The following TAX1BP1 variants were observed in gnomAD, a reference collection of about 807,000 sequenced individuals.
TAX1BP1 encodes Tax1 binding protein 1.
A neutral mutation model predicts 97.7 loss-of-function variants in TAX1BP1; 62 were observed. That is an observed-to-expected ratio of 0.63 (90% CI 0.52 to 0.78). The LOEUF is 0.78. TAX1BP1 is among the 30% of genes least tolerant of loss of function. The pLI is 0.00. For missense variants in TAX1BP1, 867 were observed against 916.1 expected (o/e 0.95, Z 0.69); for synonymous variants, 340 against 304.2 (o/e 1.12, Z -1.23).
At chr7:27,764,990 T>C (rs1026228532) in intron 3 of TAX1BP1, among the ~76,000 whole-genome samples, 23 of 2,082 alleles carry the variant, frequency 0.011, no homozygotes, top group African/African-American at 2.1e-3. Flanking sequence ...ATCTTATAGA[T>C]TGTCTGCCTC....
intron 13 of TAX1BP1, 56 bp downstream of exon 13, chr7:27,800,146 T>C (rs981545721): frequency 8.3e-6 from 12 of 1,442,320 alleles, no homozygotes; most frequent in Non-Finnish European, 1.1e-5. Flanking sequence ...GAAAATTAGT[T>C]ATGTATAATT....
rs778162786 is a variant in TAX1BP1 at position 27,766,000 on chromosome 7, CACAA to C, written c.434_437del (p.Thr145LysfsTer7). ...GAAATTCTGACATGTTAGTGGTGAC[CACAA>C]AAGCAGGCCTTCTTGAGGTTGGTGT... On this transcript the variant is annotated frameshift_variant, in exon 4 of 17. Transcript: ENST00000396319. LOFTEE classifies it high-confidence loss of function. 13 of 1,613,862 alleles carry C rather than the reference CACAA, an allele frequency of 8.1e-6. No individual in the cohort carries two copies. Among genetic ancestry groups the C allele is most frequent in the Non-Finnish European group, 1.0e-5 (12 of 1,179,952 alleles).
At chr7:27,766,533 TG>T (rs1336031628) in intron 4 of TAX1BP1, among the ~76,000 whole-genome samples, 3 of 151,466 alleles carry the variant, frequency 2.0e-5, no homozygotes, top group Non-Finnish European at 4.4e-5. Context: ...AAAAATCTTT[TG>T]GCCACAATTA....
At chr7:27,808,149 G>C (rs1373645044) in intron 13 of TAX1BP1, among the ~76,000 whole-genome samples, 2 of 152,138 alleles carry the variant, frequency 1.3e-5, no homozygotes, top group African/African-American at 4.8e-5. Flanking sequence ...GGCTGTAGGT[G>C]TACCCTCATT....
intron 15 of TAX1BP1, among the ~76,000 whole-genome samples, chr7:27,819,338 C>T (rs1790889729): frequency 6.6e-6 from 1 of 151,976 alleles, no homozygotes; most frequent in African/African-American, 2.4e-5. Flanking sequence ...TAAGTAGTTA[C>T]TAATGGGATG....
chr7:27,820,262 A>G (rs1790923612), intron 15 of TAX1BP1, among the ~76,000 whole-genome samples: 1 of 152,302 alleles, frequency 6.6e-6, no homozygotes, highest in Non-Finnish European at 1.5e-5. Flanking sequence ...TTCTATTAAT[A>G]TGTGGCTTAT....
chr7:27,826,804 T>C (rs1172746008), intron 15 of TAX1BP1, among the ~76,000 whole-genome samples: 1 of 152,220 alleles, frequency 6.6e-6, no homozygotes, highest in Non-Finnish European at 1.5e-5. Flanking sequence ...TATTTAACTT[T>C]GGATTTTGTT....
At chr7:27,750,448 G>A (rs1438380879) in intron 2 of TAX1BP1, among the ~76,000 whole-genome samples, 1 of 152,134 alleles carries the variant, frequency 6.6e-6, no homozygotes, top group East Asian at 1.9e-4. Context: ...CAAGCATTTC[G>A]GATAAGGGAT....
intron 7 of TAX1BP1, among the ~76,000 whole-genome samples, chr7:27,786,691 G>A (rs969985147): frequency 3.3e-5 from 5 of 152,182 alleles, no homozygotes; most frequent in Non-Finnish European, 7.4e-5. Flanking sequence ...CAGAGAATCA[G>A]GAGTTAATAT....
chr7:27,783,720 C>T (rs1222679501), intron 5 of TAX1BP1, among the ~76,000 whole-genome samples: 4 of 152,056 alleles, frequency 2.6e-5, no homozygotes, highest in Admixed American at 2.6e-4. Flanking sequence ...TGGGTTAAAT[C>T]TGTAGTGTAT....
chr7:27,767,456 T>C (rs1030718126), intron 4 of TAX1BP1, among the ~76,000 whole-genome samples: 3 of 152,160 alleles, frequency 2.0e-5, no homozygotes, highest in Non-Finnish European at 4.4e-5. Flanking sequence ...GATTTTTTAT[T>C]GTGAATTCTT....
At chr7:27,750,904 CT>C (rs758481444) in intron 2 of TAX1BP1, among the ~76,000 whole-genome samples, 6 of 152,136 alleles carry the variant, frequency 3.9e-5, no homozygotes, top group Admixed American at 1.3e-4. Context: ...GTTTTACCCA[CT>C]TTCATTCTTG....
At chr7:27,800,152 T>A (rs936241798) in intron 13 of TAX1BP1, 62 bp downstream of exon 13, 1 of 1,428,488 alleles carries the variant, frequency 7.0e-7, no homozygotes, top group African/African-American at 1.4e-5. Context: ...TAGTTATGTA[T>A]AATTTTATTC....
intron 13 of TAX1BP1, among the ~76,000 whole-genome samples, 172 bp from the exon 14 acceptor site, chr7:27,816,177 A>T (rs1265693884): frequency 1.3e-5 from 2 of 152,250 alleles, no homozygotes; most frequent in African/African-American, 2.4e-5. Flanking sequence ...TATGTGGAGG[A>T]TACATTTATG....
At chr7:27,774,443 A>G (rs907959256) in intron 5 of TAX1BP1, among the ~76,000 whole-genome samples, 3 of 152,126 alleles carry the variant, frequency 2.0e-5, no homozygotes, top group Non-Finnish European at 4.4e-5. Flanking sequence ...TTACTATATT[A>G]CAATGGCTTA....
intron 13 of TAX1BP1, among the ~76,000 whole-genome samples, chr7:27,804,969 CTG>C (rs1790280442): frequency 1.3e-5 from 2 of 152,112 alleles, no homozygotes; most frequent in African/African-American, 4.8e-5. Context: ...ACAAATAATA[CTG>C]CAATGAATGA....
At chr7:27,754,934 T>A (rs1368793814) in intron 2 of TAX1BP1, among the ~76,000 whole-genome samples, 1 of 152,152 alleles carries the variant, frequency 6.6e-6, no homozygotes, top group African/African-American at 2.4e-5. Context: ...ATCTCATGCC[T>A]TTTTTAATGC....
chr7:27,748,723 A>T (rs1787918098), intron 2 of TAX1BP1, 37 bp downstream of exon 2: 1 of 1,436,570 alleles, frequency 7.0e-7, no homozygotes, highest in Admixed American at 2.3e-5. Flanking sequence ...CCATGTAAAC[A>T]CTTAAAATTT....
At chr7:27,798,909 G>C (rs185328530) in intron 12 of TAX1BP1, among the ~76,000 whole-genome samples, 2 of 147,184 alleles carry the variant, frequency 1.4e-5, no homozygotes, top group African/African-American at 5.0e-5. Flanking sequence ...TTTTTTTTCT[G>C]TATATGTCTT....
Sources: allele counts gnomAD v4.1 joint callset (sites outside exome capture counted in the v4.1 genomes callset), GRCh38; gene constraint gnomAD v4.1.1; transcripts MANE v1.5; gene names NCBI Gene and HGNC (gene_info 2026-07-23, HGNC 2026-07-21).